DUSP8: variants seen among roughly 807,000 people sequenced by gnomAD.
DUSP8 encodes dual specificity phosphatase 8.
In DUSP8, 15 loss-of-function variants were observed where a neutral mutation model predicts 38.7. That is an observed-to-expected ratio of 0.39 (90% CI 0.26 to 0.60). DUSP8 has a LOEUF of 0.60. Ranked by LOEUF, DUSP8 falls within the 20% of genes least tolerant of loss-of-function variation. The pLI is 0.56. For missense variants in DUSP8, 768 were observed against 915.0 expected (o/e 0.84, Z 2.07); for synonymous variants, 458 against 433.9 (o/e 1.06, Z -0.69).
chr11:1,561,132 G>C (rs1031498658), intron 3 of DUSP8, among the ~76,000 whole-genome samples: 1 of 152,086 alleles, frequency 6.6e-6, no homozygotes, highest in African/African-American at 2.4e-5. Context: ...GAGGGGTGTT[G>C]GGGTTCAGTG....
intron 1 of DUSP8, among the ~76,000 whole-genome samples, chr11:1,569,701 C>G (rs561638803): frequency 1.4e-4 from 22 of 152,270 alleles, no homozygotes; most frequent in African/African-American, 5.1e-4. Context: ...CAACTGACAG[C>G]ATCCTTACCA....
At position 1,556,558 on chromosome 11, in the gene DUSP8, G is replaced by A; in HGVS notation, c.1838C>T (p.Ala613Val). Residue 613 changes from alanine to valine, a missense_variant, in exon 7 of 7, where the codon GCG becomes GTG. Transcript: ENST00000397374. The surrounding 1 kb of genome is among the most constrained non-coding windows in gnomAD (Gnocchi z 5.2). ...GEELAALGKQ[A>V]SFSGSVEVIE... ...GACCTCCACGCTGCCCGAGAAGCTCGCCTGCTTGCCCAGGGCGGCCAGCTC... is the reference window on the plus strand; with the variant it reads ...GACCTCCACGCTGCCCGAGAAGCTCACCTGCTTGCCCAGGGCGGCCAGCTC... 3.5e-6 allele frequency: 5 copies of A among 1,412,036 alleles called. No individual in the cohort carries two copies. The highest frequency in any genetic ancestry group is 3.7e-6 in the Non-Finnish European group (4 of 1,081,038). 87.5% of individuals were successfully genotyped at this position (1,412,036 alleles called of 1,614,324 possible). A position where few individuals can be genotyped will look rare whatever the true frequency, so the allele number is the denominator to read the frequency against.
chr11:1,572,307 G>C (rs1848918427), upstream of DUSP8, among the ~76,000 whole-genome samples: 1 of 149,934 alleles, frequency 6.7e-6, no homozygotes, highest in Admixed American at 6.6e-5. This position sits in a 1 kb window ranked among gnomAD's most constrained non-coding sequence, Gnocchi z 4.7. Context: ...CCGCCGGCGG[G>C]GATGAGGTCA....
chr11:1,570,058 C>T (rs1016050196), intron 1 of DUSP8, among the ~76,000 whole-genome samples: 3 of 152,108 alleles, frequency 2.0e-5, no homozygotes, highest in African/African-American at 4.8e-5. Flanking sequence ...CACTCTGCTC[C>T]GCTGGCCTGG....
At chr11:1,568,262 C>T (rs1013257186) in intron 1 of DUSP8, among the ~76,000 whole-genome samples, 7 of 152,078 alleles carry the variant, frequency 4.6e-5, no homozygotes, top group Non-Finnish European at 8.8e-5. Context: ...AGCCTTCATG[C>T]AGCCCTGAGT....
rs59483236 is a variant in DUSP8, at chr11:1,554,775, T to C, written c.*1743A>G. ...TCAGAAACCCAACGCAACAGACATATGGGAGGCAAATTTACATAATTAATA... is the reference window on the plus strand; with the variant it reads ...TCAGAAACCCAACGCAACAGACATACGGGAGGCAAATTTACATAATTAATA... On this transcript the variant is annotated 3_prime_UTR_variant, in exon 7 of 7. Transcript: ENST00000397374. The C allele has an allele frequency of 0.54, 269,427 of 502,434 alleles. 73,047 individuals are homozygous for C. Among genetic ancestry groups the C allele is most frequent in the Non-Finnish European group, 0.54 (209,762 of 388,094 alleles). 31.1% of individuals were successfully genotyped at this position (502,434 alleles called of 1,614,324 possible).
In DUSP8 at chr11:1,555,139, A is replaced by G; in HGVS notation, c.*1379T>C. On this transcript the variant is annotated 3_prime_UTR_variant, in exon 7 of 7. Transcript: ENST00000397374. Reference sequence around the variant, plus strand: ...CACTCCTAGACCCTAGGACATCTGAAGGGCAGGGGTCCCAATGGCCCGAGG... The same window carrying G: ...CACTCCTAGACCCTAGGACATCTGAGGGGCAGGGGTCCCAATGGCCCGAGG... The G allele has an allele frequency of 2.0e-6, 2 of 987,776 alleles. No individual in the cohort carries two copies. Among genetic ancestry groups the G allele is most frequent in the Non-Finnish European group, 2.4e-6 (2 of 830,172 alleles). 61.2% of individuals were successfully genotyped at this position (987,776 alleles called of 1,614,324 possible).
rs1256753859 is a variant in DUSP8, at chr11:1,556,991, CG to C, written c.1404del (p.Ala469ArgfsTer6). ...RPPAGSPARSPAHSLGLNFGD... is the reference protein window; with the variant it reads ...RPPAGSPARSXAHSLGLNFGD... Reference sequence around the variant, plus strand: ...CCGAAGTTCAGGCCGAGGCTGTGCGCGGGGGAGCGCGCGGGGGAGCCGGCGG... The same window carrying C: ...CCGAAGTTCAGGCCGAGGCTGTGCGCGGGGAGCGCGCGGGGGAGCCGGCGG... On this transcript the variant is annotated frameshift_variant, in exon 7 of 7. Transcript: ENST00000397374. LOFTEE classifies it high-confidence loss of function. The surrounding 1 kb of genome is among the most constrained non-coding windows in gnomAD (Gnocchi z 5.2). 1 of 1,023,334 alleles carries C rather than the reference CG, an allele frequency of 9.8e-7. No individual in the cohort carries two copies. 63.4% of individuals were successfully genotyped at this position (1,023,334 alleles called of 1,614,324 possible).
rs1424333612 is a variant in DUSP8 at position 1,557,008 on chromosome 11, G to A, written c.1388C>T (p.Ser463Phe). ...PRRRPRPPAG[S>F]PARSPAHSLG... Reference sequence around the variant, plus strand: ...GCTGTGCGCGGGGGAGCGCGCGGGGGAGCCGGCGGGGGGCCGGGGCCGCCG... The same window carrying A: ...GCTGTGCGCGGGGGAGCGCGCGGGGAAGCCGGCGGGGGGCCGGGGCCGCCG... Residue 463 changes from serine to phenylalanine, a missense_variant, in exon 7 of 7, where the codon TCC becomes TTC. Transcript: ENST00000397374. The surrounding 1 kb of genome is among the most constrained non-coding windows in gnomAD (Gnocchi z 9.9). 3.6e-5 allele frequency: 37 copies of A among 1,022,064 alleles called. 1 individual carries two copies. Among genetic ancestry groups the A allele is most frequent in the African/African-American group, 8.7e-5 (5 of 57,382 alleles). The allele number at this position is 1,022,064 out of a possible 1,614,324, so 63.3% of individuals were successfully genotyped here.
intron 3 of DUSP8, among the ~76,000 whole-genome samples, chr11:1,560,013 C>T (rs1848693338): frequency 3.9e-5 from 6 of 152,194 alleles, no homozygotes; most frequent in Admixed American, 3.9e-4. Context: ...GAGAATGGAC[C>T]TGGCCGTCCC....
At chr11:1,566,051 G>T in intron 1 of DUSP8, 117 bp from the exon 2 acceptor site, 2 of 554,790 alleles carry the variant, frequency 3.6e-6, no homozygotes, top group South Asian at 5.1e-5. Context: ...ACATGTGCCC[G>T]TGGGAACCCT....
chr11:1,566,518 G>C (rs928460461), intron 1 of DUSP8, among the ~76,000 whole-genome samples: 43 of 152,264 alleles, frequency 2.8e-4, no homozygotes, highest in African/African-American at 9.6e-4. Context: ...GTGGGCTCCC[G>C]GGGGCAGCCG....
rs1000102260 is a variant in DUSP8, at chr11:1,565,528, C to T, written c.231+68G>A. 1.3e-5 allele frequency: 17 copies of T among 1,294,266 alleles called. No homozygotes were observed. In the Admixed American group the frequency reaches 2.2e-4, roughly 17 times the overall value. The allele number at this position is 1,294,266 out of a possible 1,614,324, so 80.2% of individuals were successfully genotyped here. A position where few individuals can be genotyped will look rare whatever the true frequency, so the allele number is the denominator to read the frequency against. ...GAAGGCAGAGGAGGGGGGTGCTGCC[C>T]GAGCTGAGGGCCCCTTAGCTGTGGA... On this transcript the variant is annotated intron_variant, in intron 2 of 6. Transcript: ENST00000397374.
At chr11:1,562,951 T>G (rs541695853) in intron 3 of DUSP8, among the ~76,000 whole-genome samples, 2 of 152,290 alleles carry the variant, frequency 1.3e-5, no homozygotes, top group East Asian at 3.9e-4. Flanking sequence ...GAGGTCGGCC[T>G]GGCCAAAGCG....
At position 1,557,136 on chromosome 11, in the gene DUSP8, C is replaced by G; in HGVS notation, c.1260G>C (p.Pro420=). The G allele has an allele frequency of 1.4e-6, 2 of 1,420,714 alleles. No homozygotes were observed. Among genetic ancestry groups the G allele is most frequent in the South Asian group, 2.9e-5 (2 of 69,068 alleles). 88.0% of individuals were successfully genotyped at this position (1,420,714 alleles called of 1,614,324 possible). The change falls in exon 7 of 7, where the codon CCG becomes CCC. Residue 420 remains proline, a synonymous_variant. Transcript: ENST00000397374. This position sits in a 1 kb window ranked among gnomAD's most constrained non-coding sequence, Gnocchi z 9.9. ...GPGPPDPGEA[P]KLCKLDSPSG... is the part of the protein sequence containing the mutation. ...ACGGGCTGTCCAGCTTGCAGAGCTT[C>G]GGGGCCTCGCCGGGGTCGGGGGGCC...
chr11:1,557,952 T>C lies in DUSP8; in HGVS notation c.698-35A>G. 1 of 1,613,454 alleles carries C rather than the reference T, an allele frequency of 6.2e-7. No homozygotes were observed. Among genetic ancestry groups the C allele is most frequent in the Non-Finnish European group, 8.5e-7 (1 of 1,179,898 alleles). On this transcript the variant is annotated intron_variant, in intron 5 of 6. Coordinates refer to ENST00000397374, the MANE Select transcript of DUSP8 (RefSeq NM_004420.3). This position sits in a 1 kb window ranked among gnomAD's most constrained non-coding sequence, Gnocchi z 9.9. ...TGGGCCATGGGGGCCAGGTGAGGGCTAAGACTGCACAGCTTCTCCCTGGCC... is the reference window on the plus strand; with the variant it reads ...TGGGCCATGGGGGCCAGGTGAGGGCCAAGACTGCACAGCTTCTCCCTGGCC...
At position 1,557,433 on chromosome 11, in the gene DUSP8, G is replaced by A. The variant is rs1848653029; in HGVS notation, c.963C>T (p.Pro321=). 2 of 1,565,830 alleles carry A rather than the reference G, an allele frequency of 1.3e-6. No individual in the cohort carries two copies. Among genetic ancestry groups the A allele is most frequent in the African/African-American group, 1.4e-5 (1 of 72,352 alleles). The change falls in exon 7 of 7, where the codon CCC becomes CCT. Residue 321 remains proline, a synonymous_variant. Transcript: ENST00000397374. The surrounding 1 kb of genome is among the most constrained non-coding windows in gnomAD (Gnocchi z 9.9). The part of the protein sequence containing the change: ...GTPSGTPEPP[P]SPAAGAPLPR... ...GCAGCGGGGCCCCGGCGGCAGGACT[G>A]GGCGGAGGCTCCGGCGTCCCTGAGG...
chr11:1,571,411 C>G (rs1564939240), intron 1 of DUSP8: 1 of 152,272 alleles, frequency 6.6e-6, no homozygotes, highest in African/African-American at 2.4e-5. Flanking sequence ...CAGGGGAAGG[C>G]CCCTTCCCGG....
chr11:1,558,063 C>T lies in DUSP8; in HGVS notation c.697+49G>A. 6.2e-7 allele frequency: 1 copy of T among 1,611,532 alleles called. No individual in the cohort carries two copies. The highest frequency in any genetic ancestry group is 8.5e-7 in the Non-Finnish European group (1 of 1,179,576). ...CCTGTGTCTGTGGCCACACACAGCT[C>T]TAGCCTTCCTCTAGCCAGGTCCCTG... On this transcript the variant is annotated intron_variant, in intron 5 of 6. Transcript: ENST00000397374. The surrounding 1 kb of genome is among the most constrained non-coding windows in gnomAD (Gnocchi z 6.3).
Sources: gnomAD v4.1 joint callset for allele counts (sites outside exome capture counted in the v4.1 genomes callset) on GRCh38, gnomAD v4.1.1 for gene constraint, Gnocchi (gnomAD v3.1) non-coding constraint, MANE v1.5 for transcripts, NCBI Gene and HGNC (gene_info 2026-07-23, HGNC 2026-07-21) for gene names.